Variants in USP53 observed in about 807,000 individuals in gnomAD.
The protein encoded by USP53 is ubiquitin specific peptidase 53, also known as ubiquitin carboxyl-terminal hydrolase 53.
A neutral mutation model predicts 94.9 loss-of-function variants in USP53; 71 were observed. The observed-to-expected ratio is 0.75, with a 90% CI of 0.62 to 0.91. The LOEUF is 0.91. Ranked by LOEUF, USP53 falls within the 40% of genes least tolerant of loss-of-function variation. USP53 has a pLI of 0.00. For synonymous variants in USP53, 375 were observed against 422.7 expected (o/e 0.89, Z 1.39); for missense variants, 1,173 against 1,281.0 (o/e 0.92, Z 1.29).
At chr4:119,265,924 G>A (rs181496819) in intron 12 of USP53, among the ~76,000 whole-genome samples, 1 of 152,288 alleles carries the variant, frequency 6.6e-6, no homozygotes, top group East Asian at 1.9e-4. Flanking sequence ...CATTTTAAGT[G>A]TACAGTTGGA....
chr4:119,212,703 C>T, upstream of USP53: 1 of 342,964 alleles, frequency 2.9e-6, no homozygotes, highest in South Asian at 2.2e-5. Context: ...AGACCAGCCG[C>T]CTGTGCTCCA....
chr4:119,242,357 G>A (rs1747659382), intron 5 of USP53, among the ~76,000 whole-genome samples: 1 of 152,116 alleles, frequency 6.6e-6, no homozygotes, highest in Non-Finnish European at 1.5e-5. Flanking sequence ...TTTGTTAGGC[G>A]GGACAGAGCT....
intron 5 of USP53, among the ~76,000 whole-genome samples, chr4:119,240,763 T>G (rs1747417637): frequency 6.6e-6 from 1 of 152,190 alleles, no homozygotes; most frequent in South Asian, 2.1e-4. Context: ...AGCTGTATTC[T>G]CAGTTGCCTT....
In USP53 at chr4:119,256,244, A is replaced by G; in HGVS notation, c.373-2A>G. 6.2e-7 allele frequency: 1 copy of G among 1,605,732 alleles called. No homozygotes were observed. The highest frequency in any genetic ancestry group is 8.5e-7 in the Non-Finnish European group (1 of 1,176,606). On this transcript the variant is annotated splice_acceptor_variant, in intron 7 of 18. Coordinates refer to ENST00000692078, the MANE Select transcript of USP53 (RefSeq NM_001371395.1). LOFTEE classifies it high-confidence loss of function. ...CATTTATCTATTTTATTTTTAAATT[A>G]GGAAAATATGTTGGAGAGGATTCAT... is the stretch of plus-strand genomic sequence containing the variant.
chr4:119,280,073 C>A (rs932389606), intron 17 of USP53, among the ~76,000 whole-genome samples: 21 of 152,184 alleles, frequency 1.4e-4, no homozygotes, highest in African/African-American at 4.3e-4. Flanking sequence ...GCGTCGCTCA[C>A]GCTGGGAGCT....
At chr4:119,241,505 G>A (rs1747531267) in intron 5 of USP53, among the ~76,000 whole-genome samples, 1 of 104,784 alleles carries the variant, frequency 9.5e-6, no homozygotes, top group South Asian at 2.8e-4. Flanking sequence ...GATGGTCCAA[G>A]TTGACATTTT....
chr4:119,262,380 C>T (rs1168815636), intron 12 of USP53, among the ~76,000 whole-genome samples: 1 of 152,040 alleles, frequency 6.6e-6, no homozygotes, highest in African/African-American at 2.4e-5. Context: ...AGTTGAAAAC[C>T]CACATACCAC....
At chr4:119,249,412 A>G (rs1748668810) in intron 7 of USP53, among the ~76,000 whole-genome samples, 1 of 152,150 alleles carries the variant, frequency 6.6e-6, no homozygotes, top group Admixed American at 6.5e-5. Context: ...TCAGGTACAT[A>G]CTTTATACAT....
intron 4 of USP53, among the ~76,000 whole-genome samples, chr4:119,235,716 C>T (rs985899795): frequency 1.3e-5 from 2 of 152,204 alleles, no homozygotes; most frequent in Admixed American, 6.5e-5. Context: ...CTCCGCTATA[C>T]CAGATATGCT....
At chr4:119,289,527 T>G (rs1431967324) in intron 17 of USP53, among the ~76,000 whole-genome samples, 2 of 152,238 alleles carry the variant, frequency 1.3e-5, no homozygotes, top group Non-Finnish European at 2.9e-5. Flanking sequence ...ATCTTAAGAC[T>G]TGGTACATAT....
intron 17 of USP53, among the ~76,000 whole-genome samples, chr4:119,278,090 G>T (rs1163581556): frequency 2.0e-5 from 3 of 150,380 alleles, no homozygotes; most frequent in Admixed American, 2.0e-4. Flanking sequence ...GGAGAATTTA[G>T]TCCATTTACA....
chr4:119,250,980 C>T (rs1053714289), intron 7 of USP53, among the ~76,000 whole-genome samples: 7 of 151,642 alleles, frequency 4.6e-5, no homozygotes, highest in South Asian at 2.1e-4. Context: ...TAGGTATACA[C>T]GTGGCATGAT....
At position 119,273,704 on chromosome 4, in the gene USP53, A is replaced by G; in HGVS notation, c.2247A>G (p.Leu749=). ...DCTSLQSQHH[L]EGFRKELRNL... The stretch of plus-strand genomic sequence containing the variant: ...CCTCCCTTCAGAGCCAACATCACTT[A>G]GAAGGTAAAAAACTTATTTGAATAT... The change falls in exon 17 of 19, where the codon TTA becomes TTG. Residue 749 remains leucine, a synonymous_variant. Coordinates refer to ENST00000692078, the MANE Select transcript of USP53 (RefSeq NM_001371395.1). 1 of 1,610,398 alleles carries G rather than the reference A, an allele frequency of 6.2e-7. No individual in the cohort carries two copies. Among genetic ancestry groups the G allele is most frequent in the Non-Finnish European group, 8.5e-7 (1 of 1,177,942 alleles).
At chr4:119,254,435 G>C (rs1275659720) in intron 7 of USP53, among the ~76,000 whole-genome samples, 1 of 151,942 alleles carries the variant, frequency 6.6e-6, no homozygotes, top group African/African-American at 2.4e-5. Flanking sequence ...AGTCTTTTTT[G>C]TCTAATCTTG....
rs560841843 is a variant in USP53 at position 119,274,559 on chromosome 4, G to A, written c.2251+851G>A. ...GTGAATAATGCCGCAATAAACATAC[G>A]TGTACATGTGTCTTTATAGCAGCAT... is the stretch of plus-strand genomic sequence containing the variant. On this transcript the variant is annotated intron_variant, in intron 17 of 18. Transcript: ENST00000692078. 2.6e-4 allele frequency among the ~76,000 whole-genome samples: 39 copies of A among 152,060 alleles called. No individual in the cohort carries two copies. In the South Asian group the frequency reaches 6.9e-3, roughly 27 times the overall value.
At chr4:119,232,467 ACTTC>A (rs1428678583) in intron 3 of USP53, among the ~76,000 whole-genome samples, 1 of 152,128 alleles carries the variant, frequency 6.6e-6, no homozygotes, top group Non-Finnish European at 1.5e-5. Context: ...ATGTGTCACT[ACTTC>A]CTTTTTATGG....
Position 119,245,435 on chromosome 4 carries a change from C to T in USP53, c.237+6C>T. On this transcript the variant is annotated splice_donor_region_variant and intron_variant, in intron 6 of 18. Transcript: ENST00000692078. Reference sequence around the variant, plus strand: ...GTATATTTTGTGCATTGAAGGTAACCTTTTAATAGCTCTGAAAAACTACTA... The same window carrying T: ...GTATATTTTGTGCATTGAAGGTAACTTTTTAATAGCTCTGAAAAACTACTA... 6.2e-7 allele frequency: 1 copy of T among 1,611,554 alleles called. No homozygotes were observed. The highest frequency in any genetic ancestry group is 8.5e-7 in the Non-Finnish European group (1 of 1,178,528).
Position 119,293,393 on chromosome 4 carries a change from A to G in USP53, c.*182A>G. ...ACCAAACCTAGTGATACATAAAATT[A>G]AAGCCTGTGGCATTTTTAAAGTTGT... On this transcript the variant is annotated 3_prime_UTR_variant, in exon 19 of 19. Transcript: ENST00000692078. The G allele has an allele frequency of 1.6e-6, 1 of 639,448 alleles. No individual in the cohort carries two copies. Among genetic ancestry groups the G allele is most frequent in the Non-Finnish European group, 2.5e-6 (1 of 393,222 alleles). The allele number at this position is 639,448 out of a possible 1,614,324, so 39.6% of individuals were successfully genotyped here.
In USP53 at chr4:119,259,725, A is replaced by G; in HGVS notation, c.570-95A>G. The G allele has an allele frequency of 5.1e-6, 4 of 786,916 alleles. No homozygotes were observed. The South Asian group carries it at 9.8e-5, about 19-fold the overall frequency. The allele number at this position is 786,916 out of a possible 1,614,324, so 48.7% of individuals were successfully genotyped here. ...TCATGGTCATGTTTTAGATAGAAAA[A>G]GTGATGCACATCTAAACTGACAATA... On this transcript the variant is annotated intron_variant, in intron 9 of 18. Transcript: ENST00000692078.
Sources: allele counts gnomAD v4.1 joint callset (sites outside exome capture counted in the v4.1 genomes callset), GRCh38; gene constraint gnomAD v4.1.1; transcripts MANE v1.5; gene names NCBI Gene and HGNC (gene_info 2026-07-23, HGNC 2026-07-21).